TBC1D19: variants seen among roughly 807,000 people sequenced by gnomAD.
The protein encoded by TBC1D19 is TBC1 domain family, member 19.
In TBC1D19, 60 loss-of-function variants were observed where a neutral mutation model predicts 89.0. The ratio of observed to expected loss-of-function variants is 0.67; its 90% confidence interval spans 0.55 to 0.84. The LOEUF (loss-of-function observed/expected upper bound fraction) is 0.84, where lower values mean the gene tolerates loss of function less well. Ranked by LOEUF, TBC1D19 falls within the 40% of genes least tolerant of loss-of-function variation. The pLI, the probability that TBC1D19 is intolerant of heterozygous loss-of-function variation, is 0.00. For synonymous variants in TBC1D19, 189 were observed against 199.7 expected (o/e 0.95, Z 0.45); for missense variants, 500 against 610.8 (o/e 0.82, Z 1.91).
intron 18 of TBC1D19, among the ~76,000 whole-genome samples, chr4:26,745,044 G>A (rs1345551116): frequency 6.6e-6 from 1 of 152,018 alleles, no homozygotes; most frequent in Non-Finnish European, 1.5e-5. Flanking sequence ...TGGATGCTTT[G>A]TTTTTAGGAG....
chr4:26,709,975 C>T (rs1487841510), intron 13 of TBC1D19, among the ~76,000 whole-genome samples: 1 of 151,950 alleles, frequency 6.6e-6, no homozygotes, highest in Non-Finnish European at 1.5e-5. Flanking sequence ...ATTTTCAAAG[C>T]TAGTAAGCCA....
intron 13 of TBC1D19, chr4:26,702,225 C>T (rs1455831826): frequency 6.6e-6 from 1 of 152,142 alleles, no homozygotes; most frequent in East Asian, 1.9e-4. Flanking sequence ...TGCAAGAAAA[C>T]TTCTAAGAAA....
the TBC1D19 span, among the ~76,000 whole-genome samples, chr4:26,840,800 A>G: frequency 6.6e-6 from 1 of 152,288 alleles, no homozygotes; most frequent in Admixed American, 6.5e-5. Context: ...GTGAAATACG[A>G]TGGGATAACG....
At chr4:26,833,847 T>G in the TBC1D19 span, among the ~76,000 whole-genome samples, 1 of 152,232 alleles carries the variant, frequency 6.6e-6, no homozygotes, top group Non-Finnish European at 1.5e-5. Flanking sequence ...GAGCTGTGGC[T>G]ATATGTTGGG....
At chr4:26,783,494 T>G in the TBC1D19 span, among the ~76,000 whole-genome samples, 1 of 152,216 alleles carries the variant, frequency 6.6e-6, no homozygotes, top group African/African-American at 2.4e-5. Flanking sequence ...ACGTTTTGAG[T>G]GTTCAAACAT....
chr4:26,628,739 T>C (rs1228642418), intron 4 of TBC1D19, among the ~76,000 whole-genome samples: 4 of 151,970 alleles, frequency 2.6e-5, no homozygotes, highest in Non-Finnish European at 4.4e-5. Context: ...AGCCAAATCA[T>C]GAGTGAACTC....
chr4:26,654,960 A>C (rs1744687354), intron 7 of TBC1D19, among the ~76,000 whole-genome samples: 1 of 151,984 alleles, frequency 6.6e-6, no homozygotes, highest in African/African-American at 2.4e-5. Flanking sequence ...CGATTTTTAG[A>C]ATTTTCAATT....
chr4:26,582,082 A>G (rs1171107278), upstream of TBC1D19, among the ~76,000 whole-genome samples: 1 of 152,012 alleles, frequency 6.6e-6, no homozygotes, highest in East Asian at 1.9e-4. Flanking sequence ...TTAAGTCTCC[A>G]TCTGTGCAAG....
chr4:26,615,318 T>A (rs1435341841), intron 3 of TBC1D19, among the ~76,000 whole-genome samples: 1 of 152,224 alleles, frequency 6.6e-6, no homozygotes, highest in Non-Finnish European at 1.5e-5. Context: ...ATTCTGTTAC[T>A]TGTCAATTAC....
chr4:26,741,322 G>C (rs980052464), intron 17 of TBC1D19, among the ~76,000 whole-genome samples: 19 of 132,974 alleles, frequency 1.4e-4, no homozygotes, highest in Middle Eastern at 5.2e-3. Flanking sequence ...CGCCACTACA[G>C]TCCGCAGTCC....
chr4:26,796,354 CTT>C, the TBC1D19 span, among the ~76,000 whole-genome samples: 1 of 152,134 alleles, frequency 6.6e-6, no homozygotes, highest in Non-Finnish European at 1.5e-5. Flanking sequence ...TGTCACTAAA[CTT>C]TTGGATTGCT....
the TBC1D19 span, among the ~76,000 whole-genome samples, chr4:26,844,526 TC>T: frequency 6.6e-6 from 1 of 152,210 alleles, no homozygotes; most frequent in African/African-American, 2.4e-5. Flanking sequence ...CTCTGTCTTC[TC>T]AAACAAAATA....
chr4:26,604,465 T>A (rs1740847336), intron 1 of TBC1D19, among the ~76,000 whole-genome samples: 1 of 151,902 alleles, frequency 6.6e-6, no homozygotes, highest in African/African-American at 2.4e-5. Flanking sequence ...ATTTTCTTTT[T>A]AAGAGCTGAA....
At chr4:26,720,739 G>A (rs191784655) in intron 15 of TBC1D19, among the ~76,000 whole-genome samples, 253 of 152,150 alleles carry the variant, frequency 1.7e-3, no homozygotes, top group Middle Eastern at 0.01. Flanking sequence ...GCAGAGTTAA[G>A]AACATGGGTT....
the TBC1D19 span, among the ~76,000 whole-genome samples, chr4:26,762,077 A>G: frequency 6.6e-6 from 1 of 152,226 alleles, no homozygotes; most frequent in Admixed American, 6.5e-5. Context: ...TGAAGGTTGC[A>G]GTGAGCCGAG....
intron 1 of TBC1D19, among the ~76,000 whole-genome samples, chr4:26,592,585 A>C (rs1739892566): frequency 6.6e-6 from 1 of 152,116 alleles, no homozygotes. Flanking sequence ...ATATCTAGAA[A>C]ACCCCATCGT....
At chr4:26,842,598 T>TTCTTTC in the TBC1D19 span, among the ~76,000 whole-genome samples, 1 of 128,614 alleles carries the variant, frequency 7.8e-6, no homozygotes, top group Admixed American at 8.0e-5. Flanking sequence ...CTTTCTTTCT[T>TTCTTTC]TCTTTCTTTC....
At chr4:26,623,173 C>A (rs1406644633) in intron 4 of TBC1D19, among the ~76,000 whole-genome samples, 1 of 152,162 alleles carries the variant, frequency 6.6e-6, no homozygotes, top group Admixed American at 6.6e-5. Flanking sequence ...GTTTCATAAT[C>A]TCTTCCCCAA....
At chr4:26,745,643 A>T (rs907986041) in intron 18 of TBC1D19, among the ~76,000 whole-genome samples, 1 of 150,220 alleles carries the variant, frequency 6.7e-6, no homozygotes, top group Non-Finnish European at 1.5e-5. Context: ...AGTAGCTGGG[A>T]TTACAGGTGC....
Sources: allele counts gnomAD v4.1 joint callset (sites outside exome capture counted in the v4.1 genomes callset), GRCh38; gene constraint gnomAD v4.1.1; transcripts MANE v1.5; gene names NCBI Gene and HGNC (gene_info 2026-07-23, HGNC 2026-07-21).